RNF149: variants seen among roughly 807,000 people sequenced by gnomAD.
RNF149 encodes the protein ring finger protein 149, also known as E3 ubiquitin-protein ligase RNF149.
RNF149 carries 21 observed loss-of-function variants against 39.0 expected under a neutral mutation model. The ratio of observed to expected loss-of-function variants is 0.54; its 90% CI spans 0.38 to 0.77. RNF149 has a LOEUF of 0.77. Among genes scored for constraint, RNF149 ranks in the 30% least tolerant of loss-of-function variants. The pLI is 0.00. For synonymous variants in RNF149, 209 were observed against 213.6 expected, an observed-to-expected ratio of 0.98 and a Z score of 0.19; for missense variants, 493 against 534.9, an observed-to-expected ratio of 0.92 and a Z score of 0.77.
intron 2 of RNF149, 55 bp downstream of exon 2, chr2:101,294,876 G>A (rs953284372): frequency 1.5e-5 from 20 of 1,344,294 alleles, no homozygotes; most frequent in African/African-American, 1.5e-4. Context: ...ATATATATGC[G>A]GCATATTTAT....
At chr2:101,286,981 T>C (rs2104400699) in intron 4 of RNF149, among the ~76,000 whole-genome samples, 1 of 152,322 alleles carries the variant, frequency 6.6e-6, no homozygotes, top group Non-Finnish European at 1.5e-5. Context: ...ATTACTGTTG[T>C]TTGAAGACTT....
Position 101,308,146 on chromosome 2 carries a change from A to C in RNF149, c.443T>G (p.Leu148Trp), listed in dbSNP as rs1683750802. Residue 148 changes from leucine to tryptophan, a missense_variant, in exon 1 of 7, where the codon TTG becomes TGG. Physicochemically the swap from Leu to Trp is moderately conservative, Grantham distance 61. Coordinates refer to ENST00000295317, the MANE Select transcript of RNF149 (RefSeq NM_173647.4). Reference protein sequence around the residue: ...YNEERYGNITLPMSHAGTGNI... With the variant: ...YNEERYGNITWPMSHAGTGNI... ...CTGCTCACCCGCGTGAGACATGGGC[A>C]AGGTGATGTTCCCGTAGCGCTCCTC... 6.2e-7 allele frequency: 1 copy of C among 1,609,456 alleles called. No homozygotes were observed. The highest frequency in any genetic ancestry group is 1.3e-5 in the African/African-American group (1 of 74,388).
chr2:101,305,190 AGT>A (rs572174081), intron 1 of RNF149, among the ~76,000 whole-genome samples: 105 of 152,240 alleles, frequency 6.9e-4, no homozygotes, highest in Non-Finnish European at 1.2e-3. Context: ...ACAGAAAACC[AGT>A]GTTACACAGA....
At chr2:101,286,608 A>C (rs1321286792) in intron 4 of RNF149, 2 of 154,938 alleles carry the variant, frequency 1.3e-5, no homozygotes, top group Non-Finnish European at 2.9e-5. Flanking sequence ...AGGCTTATGC[A>C]ACACTTATTT....
At chr2:101,282,621 T>C (rs1373575887) in intron 5 of RNF149, among the ~76,000 whole-genome samples, 1 of 152,284 alleles carries the variant, frequency 6.6e-6, no homozygotes, top group East Asian at 1.9e-4. Flanking sequence ...GGGGACACTA[T>C]CAGCATCACT....
chr2:101,298,615 T>C (rs996812930), intron 1 of RNF149, among the ~76,000 whole-genome samples: 1 of 151,976 alleles, frequency 6.6e-6, no homozygotes, highest in African/African-American at 2.4e-5. Context: ...ACACAACATG[T>C]AAACTGTGTG....
chr2:101,304,706 T>G (rs541618753), intron 1 of RNF149, among the ~76,000 whole-genome samples: 1 of 152,300 alleles, frequency 6.6e-6, no homozygotes, highest in South Asian at 2.1e-4. Context: ...AGTCACATTT[T>G]TTTTAGAGCC....
At chr2:101,287,976 T>C (rs1317168453) in intron 4 of RNF149, among the ~76,000 whole-genome samples, 1 of 152,098 alleles carries the variant, frequency 6.6e-6, no homozygotes, top group African/African-American at 2.4e-5. Context: ...GCAATTCTTT[T>C]AAAAAAGTTA....
chr2:101,276,510 A>C lies in RNF149; in HGVS notation c.*728T>G. 1.0e-6 allele frequency: 1 copy of C among 985,804 alleles called. No individual in the cohort carries two copies. Among genetic ancestry groups the C allele is most frequent in the Non-Finnish European group, 1.2e-6 (1 of 829,860 alleles). 61.1% of individuals were successfully genotyped at this position (985,804 alleles called of 1,614,324 possible). A position where few individuals can be genotyped will look rare whatever the true frequency, so the allele number is the denominator to read the frequency against. Reference sequence around the variant, plus strand: ...AGTCTGCCTACTCATTTTCCTTAACAAGGCAATGAAGAACTTAATGCTCAT... The same window carrying C: ...AGTCTGCCTACTCATTTTCCTTAACCAGGCAATGAAGAACTTAATGCTCAT... On this transcript the variant is annotated 3_prime_UTR_variant, in exon 7 of 7. Transcript: ENST00000295317.
intron 1 of RNF149, among the ~76,000 whole-genome samples, chr2:101,302,353 GGT>G (rs1683485672): frequency 6.6e-6 from 1 of 152,066 alleles, no homozygotes; most frequent in Non-Finnish European, 1.5e-5. Flanking sequence ...AGGTGAATTT[GGT>G]GAATTCATCA....
rs768329966 is a variant in RNF149 at position 101,308,613 on chromosome 2, G to A, written c.-25C>T. The A allele has an allele frequency of 4.7e-6, 7 of 1,494,456 alleles. No homozygotes were observed. The East Asian group carries it at 1.2e-4, about 26-fold the overall frequency. 92.6% of individuals were successfully genotyped at this position (1,494,456 alleles called of 1,614,324 possible). A position where few individuals can be genotyped will look rare whatever the true frequency, so the allele number is the denominator to read the frequency against. ...TGGCAGCACCGCTGAGCTGACTAGG[G>A]GGAGTCAGGGTCACGCGCGAGTGCG... On this transcript the variant is annotated 5_prime_UTR_variant, in exon 1 of 7. Transcript: ENST00000295317.
Position 101,295,115 on chromosome 2 carries a change from T to C in RNF149, c.527A>G (p.Gln176Arg). Residue 176 changes from glutamine (Q) to arginine (R), a missense_variant, in exon 2 of 7, where the codon CAA becomes CGA. Coordinates refer to ENST00000295317, the MANE Select transcript of RNF149 (RefSeq NM_173647.4). The part of the protein sequence containing the change: ...PKGREILELV[Q>R]KGIPVTMTIG... ...GGTCATCGTTACTGGAATTCCTTTT[T>C]GCACCAGCTCCAAAATTTCTCTTCC... 6.2e-7 allele frequency: 1 copy of C among 1,614,198 alleles called. No individual in the cohort carries two copies. The highest frequency in any genetic ancestry group is 8.5e-7 in the Non-Finnish European group (1 of 1,180,006).
downstream of RNF149, among the ~76,000 whole-genome samples, chr2:101,272,382 C>A (rs912920282): frequency 6.6e-6 from 1 of 152,130 alleles, no homozygotes; most frequent in African/African-American, 2.4e-5. Context: ...GGGCAAGTCT[C>A]CAGCTGCATG....
intron 4 of RNF149, among the ~76,000 whole-genome samples, chr2:101,287,689 T>C (rs771230848): frequency 4.6e-5 from 7 of 152,234 alleles, no homozygotes; most frequent in Non-Finnish European, 7.3e-5. Flanking sequence ...TCAGTACCCA[T>C]CATACCAATC....
At chr2:101,296,990 C>T (rs1683257690) in intron 1 of RNF149, among the ~76,000 whole-genome samples, 1 of 152,142 alleles carries the variant, frequency 6.6e-6, no homozygotes. Context: ...GGGCGGATCA[C>T]CTGAGGTCAG....
At chr2:101,295,990 A>C (rs934479204) in intron 1 of RNF149, among the ~76,000 whole-genome samples, 9 of 151,862 alleles carry the variant, frequency 5.9e-5, no homozygotes, top group Non-Finnish European at 1.2e-4. Flanking sequence ...CTCTACAAAT[A>C]ATTTAAAGAA....
intron 1 of RNF149, among the ~76,000 whole-genome samples, chr2:101,304,711 A>C (rs1282817300): frequency 1.3e-5 from 2 of 152,176 alleles, no homozygotes; most frequent in African/African-American, 2.4e-5. Flanking sequence ...CATTTTTTTT[A>C]GAGCCACAAT....
downstream of RNF149, chr2:101,271,521 A>G (rs993405616): frequency 1.1e-4 from 16 of 148,724 alleles, no homozygotes; most frequent in African/African-American, 4.0e-4. Flanking sequence ...AGTCCCAGCT[A>G]CTCTGGAAGC....
rs771416783 is a variant in RNF149 at position 101,294,018 on chromosome 2, T to G, written c.776A>C (p.Glu259Ala). The change falls in exon 3 of 7, where the codon GAA (glutamate) becomes GCA (alanine). Residue 259 changes from glutamate (E) to alanine (A), a missense_variant. Physicochemically the swap from Glu to Ala is moderately radical, Grantham distance 107. Transcript: ENST00000295317. ...GAAAAACCATGAAAATATTACCTTT[T>G]CTCCATGCTTTACAGTATGAAGTAG... is the stretch of plus-strand genomic sequence containing the variant. ...QLLLHTVKHG[E>A]KGIDVDAENC... The G allele has an allele frequency of 3.2e-6, 5 of 1,562,014 alleles. No individual in the cohort carries two copies. Among genetic ancestry groups the G allele is most frequent in the Non-Finnish European group, 4.4e-6 (5 of 1,135,690 alleles).
Sources: gnomAD v4.1 joint callset for allele counts (sites outside exome capture counted in the v4.1 genomes callset) on GRCh38, gnomAD v4.1.1 for gene constraint, MANE v1.5 for transcripts, NCBI Gene and HGNC (gene_info 2026-07-23, HGNC 2026-07-21) for gene names.